The following MAT2A variants were observed in gnomAD, a reference collection of about 807,000 sequenced individuals.
The protein encoded by MAT2A is methionine adenosyltransferase 2A.
A neutral mutation model predicts 43.9 loss-of-function variants in MAT2A; 3 were observed. The observed-to-expected ratio is 0.07, with a 90% CI of 0.03 to 0.18. MAT2A has a LOEUF of 0.18. MAT2A is among the 10% of genes least tolerant of loss of function. The probability of loss-of-function intolerance (pLI) is 1.00; values close to 1 mark genes in which losing one functional copy is unlikely to be tolerated. For synonymous variants in MAT2A, 200 were observed against 168.4 expected, an observed-to-expected ratio of 1.19 and a Z score of -1.45; for missense variants, 204 against 489.0, an observed-to-expected ratio of 0.42 and a Z score of 5.50.
In MAT2A at chr2:85,539,221, C is replaced by T. The variant is rs540504940; in HGVS notation, c.-67C>T. On this transcript the variant is annotated 5_prime_UTR_variant, in exon 1 of 9. Coordinates refer to ENST00000306434, the MANE Select transcript of MAT2A (RefSeq NM_005911.6). ...AGTAGAACGCTGTCCGCAGCTTGCG[C>T]ATTTCGCAGCCGCTGCCGCCTCGCC... The T allele has an allele frequency of 3.4e-5, 40 of 1,164,478 alleles. No homozygotes were observed. In the African/African-American group the frequency reaches 5.2e-4, roughly 15 times the overall value. The allele number at this position is 1,164,478 out of a possible 1,614,324, so 72.1% of individuals were successfully genotyped here.
In MAT2A at chr2:85,542,754, A is replaced by G. The variant is rs547236987; in HGVS notation, c.951+7A>G. ...CCGGAGGGTTCTTGTTCAGGTATAC[A>G]CTCTTTATATAACGAACGATTAAAA... On this transcript the variant is annotated splice_region_variant and intron_variant, in intron 7 of 8. Transcript: ENST00000306434. The G allele has an allele frequency of 5.6e-5, 89 of 1,598,938 alleles. No homozygotes were observed. Among genetic ancestry groups the G allele is most frequent in the Admixed American group, 2.1e-4 (12 of 58,296 alleles).
chr2:85,543,996 G>A lies in MAT2A; in HGVS notation c.*224G>A. On this transcript the variant is annotated 3_prime_UTR_variant, in exon 9 of 9. Coordinates refer to ENST00000306434, the MANE Select transcript of MAT2A (RefSeq NM_005911.6). ...TTTGTTCACCATTATAATGAATTTA[G>A]TGAGCATAGGTGATCCATGTAACTG... is the stretch of plus-strand genomic sequence containing the variant. The A allele has an allele frequency of 2.4e-6, 1 of 408,866 alleles. No individual in the cohort carries two copies. The highest frequency in any genetic ancestry group is 4.2e-5 in the East Asian group (1 of 23,762). The allele number at this position is 408,866 out of a possible 1,614,324, so 25.3% of individuals were successfully genotyped here.
Position 85,539,264 on chromosome 2 carries a change from C to A in MAT2A, c.-24C>A. On this transcript the variant is annotated 5_prime_UTR_variant, in exon 1 of 9. Coordinates refer to ENST00000306434, the MANE Select transcript of MAT2A (RefSeq NM_005911.6). ...GCCTCGCCGCTGCTCCTTCGTAAGG[C>A]CACTTCCGCACACCGACACCAACAT... 6.3e-7 allele frequency: 1 copy of A among 1,576,170 alleles called. No individual in the cohort carries two copies. The highest frequency in any genetic ancestry group is 8.7e-7 in the Non-Finnish European group (1 of 1,153,466).
Position 85,541,099 on chromosome 2 carries a change from A to G in MAT2A, c.108A>G (p.Gln36=), listed in dbSNP as rs115257622. 3.8e-4 allele frequency: 619 copies of G among 1,612,692 alleles called. 4 individuals carry two copies. In the African/African-American group the frequency reaches 7.1e-3, roughly 18 times the overall value. The change falls in exon 2 of 9, where the codon CAA becomes CAG. Residue 36 remains glutamine (Q), a synonymous_variant. Transcript: ENST00000306434. Reference sequence around the variant, plus strand: ...CTTTTCCAGATAAGATTTGTGACCAAATCAGTGATGCTGTCCTTGATGCCC... The same window carrying G: ...CTTTTCCAGATAAGATTTGTGACCAGATCAGTGATGCTGTCCTTGATGCCC... ...GEGHPDKICD[Q]ISDAVLDAHL... is the part of the protein sequence containing the mutation.
chr2:85,543,194 T>TA (rs1691522845), intron 8 of MAT2A, 160 bp downstream of exon 8: 2 of 767,202 alleles, frequency 2.6e-6, no homozygotes, highest in African/African-American at 1.7e-5. Context: ...AGTGAAGACT[T>TA]AGTTATTTGA....
In MAT2A at chr2:85,544,833, G is replaced by A. The variant is rs1020750494; in HGVS notation, c.*1061G>A. 7.2e-5 allele frequency: 11 copies of A among 152,548 alleles called. No individual in the cohort carries two copies. The highest frequency in any genetic ancestry group is 2.4e-4 in the African/African-American group (10 of 41,416). The allele number at this position is 152,548 out of a possible 1,614,324, so 9.4% of individuals were successfully genotyped here. A position where few individuals can be genotyped will look rare whatever the true frequency, so the allele number is the denominator to read the frequency against. On this transcript the variant is annotated 3_prime_UTR_variant, in exon 9 of 9. Coordinates refer to ENST00000306434, the MANE Select transcript of MAT2A (RefSeq NM_005911.6). ...AGAGCAGTGCTTTTGGCGGGGAGGA[G>A]GAAATCCCTTCATACTTGAACGTTT...
chr2:85,539,590 T>C (rs1691406132), intron 1 of MAT2A: 1 of 434,096 alleles, frequency 2.3e-6, no homozygotes. Context: ...ACCCTTCCCT[T>C]CCCCCCTCCC....
At position 85,541,758 on chromosome 2, in the gene MAT2A, A is replaced by G; in HGVS notation, c.405+13A>G. On this transcript the variant is annotated intron_variant, in intron 4 of 8. Transcript: ENST00000306434. ...TGCTGGAGACCAGGTATCTTGGTGT[A>G]GAGGCTGTTTTAATCTCTTCTAACA... is the stretch of plus-strand genomic sequence containing the variant. 3 of 1,613,842 alleles carry G rather than the reference A, an allele frequency of 1.9e-6. No individual in the cohort carries two copies. Among genetic ancestry groups the G allele is most frequent in the Non-Finnish European group, 2.5e-6 (3 of 1,179,712 alleles).
In MAT2A at chr2:85,544,587, C is replaced by T. The variant is rs944702983; in HGVS notation, c.*815C>T. 3 of 152,684 alleles carry T rather than the reference C, an allele frequency of 2.0e-5. No homozygotes were observed. The highest frequency in any genetic ancestry group is 7.2e-5 in the African/African-American group (3 of 41,462). The allele number at this position is 152,684 out of a possible 1,614,324, so 9.5% of individuals were successfully genotyped here. A position where few individuals can be genotyped will look rare whatever the true frequency, so the allele number is the denominator to read the frequency against. On this transcript the variant is annotated 3_prime_UTR_variant, in exon 9 of 9. Transcript: ENST00000306434. ...TCTAGAAAAACAGGCACTTGGCAGC[C>T]TTGTGATGTCATACAGAGAAGTCAC...
At chr2:85,543,157 C>T (rs1346340693) in intron 8 of MAT2A, 123 bp downstream of exon 8, 3 of 1,157,300 alleles carry the variant, frequency 2.6e-6, no homozygotes, top group Non-Finnish European at 2.4e-6. Context: ...TATTTTAATT[C>T]CTGGAACAGT....
intron 6 of MAT2A, 32 bp downstream of exon 6, chr2:85,542,405 T>C (rs1356914057): frequency 1.2e-6 from 2 of 1,601,422 alleles, no homozygotes. Flanking sequence ...TTTCTGGATT[T>C]TTGATGGTTA....
At chr2:85,542,096 G>A (rs1573308518) in intron 5 of MAT2A, 59 bp from the exon 6 acceptor site, 1 of 1,580,626 alleles carries the variant, frequency 6.3e-7, no homozygotes, top group South Asian at 1.1e-5. Context: ...TTCAGGTAGA[G>A]AAACAAATAC....
At chr2:85,541,564 T>A (rs1691478150) in intron 3 of MAT2A, 69 bp from the exon 4 acceptor site, 1 of 1,367,846 alleles carries the variant, frequency 7.3e-7, no homozygotes, top group Non-Finnish European at 1.0e-6. Context: ...TGTTTAGAAT[T>A]CCAGATAATT....
Position 85,541,388 on chromosome 2 carries a change from A to T in MAT2A, c.292+11A>T. On this transcript the variant is annotated intron_variant, in intron 3 of 8. Coordinates refer to ENST00000306434, the MANE Select transcript of MAT2A (RefSeq NM_005911.6). ...ATGATTCTTCCAAAGGTGTGTTTTAATGATTTTGCTCATTTTTTTCTAGGT... is the reference window on the plus strand; with the variant it reads ...ATGATTCTTCCAAAGGTGTGTTTTATTGATTTTGCTCATTTTTTTCTAGGT... 1 of 1,606,908 alleles carries T rather than the reference A, an allele frequency of 6.2e-7. No homozygotes were observed. Among genetic ancestry groups the T allele is most frequent in the South Asian group, 1.1e-5 (1 of 89,464 alleles).
Position 85,539,320 on chromosome 2 carries a change from G to C in MAT2A, c.33G>C (p.Ala11=). The change falls in exon 1 of 9, where the codon GCG becomes GCC. Residue 11 remains alanine, a synonymous_variant. Coordinates refer to ENST00000306434, the MANE Select transcript of MAT2A (RefSeq NM_005911.6). MNGQLNGFHE[A]FIEEGTFLFT... The stretch of plus-strand genomic sequence containing the variant: ...GACAGCTCAACGGCTTCCACGAGGC[G>C]TTCATCGAGGAGGGCACATTCCTTT... 1 of 1,606,700 alleles carries C rather than the reference G, an allele frequency of 6.2e-7. No homozygotes were observed. Among genetic ancestry groups the C allele is most frequent in the Non-Finnish European group, 8.5e-7 (1 of 1,177,022 alleles).
intron 1 of MAT2A, chr2:85,539,689 A>C: frequency 4.3e-6 from 1 of 231,084 alleles, no homozygotes; most frequent in South Asian, 7.3e-5. Flanking sequence ...TCTGGCCGGG[A>C]AGGGAGGGCA....
At position 85,545,190 on chromosome 2, in the gene MAT2A, G is replaced by A. The variant is rs886056356; in HGVS notation, c.*1418G>A. Reference sequence around the variant, plus strand: ...TGCCCTAAGCAGAAAGTGCCTTTCAGGATCTATTTTTGGAGGTTTATTACG... The same window carrying A: ...TGCCCTAAGCAGAAAGTGCCTTTCAAGATCTATTTTTGGAGGTTTATTACG... On this transcript the variant is annotated 3_prime_UTR_variant, in exon 9 of 9. Coordinates refer to ENST00000306434, the MANE Select transcript of MAT2A (RefSeq NM_005911.6). The A allele has an allele frequency of 1.3e-5, 2 of 152,550 alleles. No individual in the cohort carries two copies. Among genetic ancestry groups the A allele is most frequent in the Non-Finnish European group, 2.9e-5 (2 of 68,026 alleles). 9.4% of individuals were successfully genotyped at this position (152,550 alleles called of 1,614,324 possible). A position where few individuals can be genotyped will look rare whatever the true frequency, so the allele number is the denominator to read the frequency against.
intron 4 of MAT2A, 25 bp downstream of exon 4, chr2:85,541,770 A>G (rs375924659): frequency 1.5e-4 from 246 of 1,613,700 alleles, no homozygotes; most frequent in Non-Finnish European, 2.1e-4. Flanking sequence ...AGGCTGTTTT[A>G]ATCTCTTCTA....
rs771657061 is a variant in MAT2A at position 85,542,535 on chromosome 2, C to T, written c.769-30C>T. Reference sequence around the variant, plus strand: ...CCTAATCCACTTGGAAAGCACTAGGCGTAAAGTAACTTAAATCCTGTAATT... The same window carrying T: ...CCTAATCCACTTGGAAAGCACTAGGTGTAAAGTAACTTAAATCCTGTAATT... On this transcript the variant is annotated intron_variant, in intron 6 of 8. Transcript: ENST00000306434. 8 of 1,598,338 alleles carry T rather than the reference C, an allele frequency of 5.0e-6. No individual in the cohort carries two copies. The East Asian group carries it at 6.7e-5, about 13-fold the overall frequency.
Sources: gnomAD v4.1 joint callset for allele counts on GRCh38, gnomAD v4.1.1 for gene constraint, MANE v1.5 for transcripts, NCBI Gene and HGNC (gene_info 2026-07-23, HGNC 2026-07-21) for gene names.